SEMA5A: variants seen among roughly 807,000 people sequenced by gnomAD.
The protein encoded by SEMA5A is semaphorin 5A.
In SEMA5A, 55 loss-of-function variants were observed where a neutral mutation model predicts 135.5. That is an observed-to-expected ratio of 0.41 (90% CI 0.33 to 0.51). The LOEUF is 0.51. Among genes scored for constraint, SEMA5A ranks in the 20% least tolerant of loss-of-function variants. The pLI is 0.37. For synonymous variants in SEMA5A, 580 were observed against 546.5 expected (o/e 1.06, Z -0.85); for missense variants, 1,290 against 1,419.9 (o/e 0.91, Z 1.47).
chr5:9,481,953 T>C (rs1442640522), intron 1 of SEMA5A, among the ~76,000 whole-genome samples: 3 of 152,194 alleles, frequency 2.0e-5, no homozygotes, highest in Non-Finnish European at 4.4e-5. Context: ...GAGCACAAAA[T>C]GGAAATCACA....
At chr5:9,265,023 C>G (rs760222349) in intron 5 of SEMA5A, among the ~76,000 whole-genome samples, 1 of 152,068 alleles carries the variant, frequency 6.6e-6, no homozygotes, top group Non-Finnish European at 1.5e-5. Flanking sequence ...ACTTTGGGAG[C>G]CTTCATTATA....
chr5:9,058,289 G>C (rs997603591), intron 18 of SEMA5A, among the ~76,000 whole-genome samples: 1 of 152,186 alleles, frequency 6.6e-6, no homozygotes, highest in South Asian at 2.1e-4. Flanking sequence ...TCCTGGGCAA[G>C]TGAGTGGGAA....
chr5:9,045,887 C>G (rs1047876135), intron 21 of SEMA5A: 16 of 152,188 alleles, frequency 1.1e-4, no homozygotes, highest in African/African-American at 3.9e-4. Context: ...TTTCAAGGCA[C>G]CATACCAAGA....
chr5:9,488,280 G>T (rs1023836611), intron 1 of SEMA5A, among the ~76,000 whole-genome samples: 2 of 152,032 alleles, frequency 1.3e-5, no homozygotes, highest in Non-Finnish European at 2.9e-5. Flanking sequence ...GGTCTAGATT[G>T]GCATGTCCAC....
At chr5:9,354,211 T>A (rs945814833) in intron 3 of SEMA5A, among the ~76,000 whole-genome samples, 1 of 152,130 alleles carries the variant, frequency 6.6e-6, no homozygotes, top group Non-Finnish European at 1.5e-5. Flanking sequence ...CATTTCAAGG[T>A]ACTAACCTGC....
At chr5:9,155,658 G>A (rs146688029) in intron 11 of SEMA5A, among the ~76,000 whole-genome samples, 46 of 152,182 alleles carry the variant, frequency 3.0e-4, no homozygotes, top group African/African-American at 1.1e-3. Context: ...TTCTTATTTT[G>A]CAAACACAGA....
At chr5:9,118,952 G>A (rs769276744) in intron 15 of SEMA5A, 46 bp downstream of exon 15, 1 of 1,600,706 alleles carries the variant, frequency 6.2e-7, no homozygotes, top group South Asian at 1.1e-5. Context: ...GCCGGAATGA[G>A]AGTAAGCGTG....
intron 3 of SEMA5A, among the ~76,000 whole-genome samples, chr5:9,354,510 T>C (rs1441242590): frequency 6.6e-6 from 1 of 152,196 alleles, no homozygotes; most frequent in Non-Finnish European, 1.5e-5. Flanking sequence ...CTTGACCCCA[T>C]TAATGTTTCT....
At chr5:9,065,083 A>T (rs182915032) in intron 17 of SEMA5A, among the ~76,000 whole-genome samples, 1 of 152,348 alleles carries the variant, frequency 6.6e-6, no homozygotes, top group East Asian at 1.9e-4. Flanking sequence ...GTTGTACATA[A>T]AATACTGTAT....
At chr5:9,431,857 C>A (rs991813619) in intron 2 of SEMA5A, among the ~76,000 whole-genome samples, 2 of 152,124 alleles carry the variant, frequency 1.3e-5, no homozygotes, top group Non-Finnish European at 2.9e-5. Context: ...TCCCTCCCAG[C>A]CTCACTCAAT....
chr5:9,226,854 A>C lies in SEMA5A; in HGVS notation c.432+15T>G. The C allele has an allele frequency of 1.3e-6, 2 of 1,592,994 alleles. No homozygotes were observed. The highest frequency in any genetic ancestry group is 8.6e-7 in the Non-Finnish European group (1 of 1,166,310). On this transcript the variant is annotated intron_variant, in intron 7 of 22. Transcript: ENST00000382496. ...CTGATATTAAATTCTTTTGAGGCACAAAAAGAAGCCATACCGAGCGGTTGG... is the reference window on the plus strand; with the variant it reads ...CTGATATTAAATTCTTTTGAGGCACCAAAAGAAGCCATACCGAGCGGTTGG...
At chr5:9,133,300 T>C (rs1460406127) in intron 13 of SEMA5A, among the ~76,000 whole-genome samples, 2 of 152,216 alleles carry the variant, frequency 1.3e-5, no homozygotes, top group Non-Finnish European at 2.9e-5. Flanking sequence ...AAGAGATGTA[T>C]AGTTAGATAA....
chr5:9,445,270 A>G (rs1264237788), intron 1 of SEMA5A, among the ~76,000 whole-genome samples: 2 of 152,070 alleles, frequency 1.3e-5, no homozygotes, highest in East Asian at 1.9e-4. Flanking sequence ...ATCAGAAACA[A>G]TCTCATTAGG....
chr5:9,423,910 T>C (rs1757557064), intron 2 of SEMA5A, among the ~76,000 whole-genome samples: 1 of 152,160 alleles, frequency 6.6e-6, no homozygotes, highest in African/African-American at 2.4e-5. Flanking sequence ...GTGAACTACA[T>C]TGACAAAAAT....
At chr5:9,078,535 A>G (rs1293325414) in intron 16 of SEMA5A, among the ~76,000 whole-genome samples, 1 of 152,066 alleles carries the variant, frequency 6.6e-6, no homozygotes, top group Non-Finnish European at 1.5e-5. Context: ...CAAAAAAAAA[A>G]AGTGGCAAAT....
chr5:9,122,917 T>G, intron 13 of SEMA5A, 80 bp from the exon 14 acceptor site: 1 of 1,276,312 alleles, frequency 7.8e-7, no homozygotes, highest in Non-Finnish European at 1.1e-6. Flanking sequence ...AAATCCCTCA[T>G]AAGACAATCA....
At chr5:9,287,408 G>A (rs1561109757) in intron 5 of SEMA5A, among the ~76,000 whole-genome samples, 3 of 152,078 alleles carry the variant, frequency 2.0e-5, no homozygotes, top group Non-Finnish European at 1.5e-5. Flanking sequence ...TCCTAAAGCT[G>A]AGTATTTCTT....
intron 1 of SEMA5A, among the ~76,000 whole-genome samples, chr5:9,457,498 A>T (rs933544728): frequency 1.3e-5 from 2 of 152,226 alleles, no homozygotes; most frequent in African/African-American, 4.8e-5. Context: ...TATTATTATC[A>T]TCATAACAAA....
At chr5:9,056,461 C>T (rs1418196063) in intron 18 of SEMA5A, among the ~76,000 whole-genome samples, 2 of 152,204 alleles carry the variant, frequency 1.3e-5, no homozygotes, top group Non-Finnish European at 2.9e-5. Flanking sequence ...GTGGCTCACA[C>T]CTGTAATCCC....
Sources: allele counts gnomAD v4.1 joint callset (sites outside exome capture counted in the v4.1 genomes callset), GRCh38; gene constraint gnomAD v4.1.1; transcripts MANE v1.5; gene names NCBI Gene and HGNC (gene_info 2026-07-23, HGNC 2026-07-21).